Variants in POU6F2 observed in about 807,000 individuals in gnomAD.
The protein encoded by POU6F2 is POU class 6 homeobox 2.
In POU6F2, 31 loss-of-function variants were observed where a neutral mutation model predicts 71.3. The ratio of observed to expected loss-of-function variants is 0.43; its 90% CI spans 0.33 to 0.59. The LOEUF (loss-of-function observed/expected upper bound fraction) is 0.59, where lower values mean the gene tolerates loss of function less well. Ranked by LOEUF, POU6F2 falls within the 20% of genes least tolerant of loss-of-function variation. POU6F2 has a pLI of 0.04. For synonymous variants in POU6F2, 347 were observed against 355.7 expected (o/e 0.98, Z 0.27); for missense variants, 783 against 856.8 (o/e 0.91, Z 1.07).
At chr7:39,312,214 G>C (rs1785179272) in intron 4 of POU6F2, among the ~76,000 whole-genome samples, 1 of 151,948 alleles carries the variant, frequency 6.6e-6, no homozygotes, top group African/African-American at 2.4e-5. Context: ...TGGAAATGAA[G>C]AAAGGACTGA....
rs1017815715 is a variant in POU6F2 at position 39,407,020 on chromosome 7, A to G, written c.1113+280A>G. On this transcript the variant is annotated intron_variant, in intron 6 of 9. Transcript: ENST00000518318. Reference sequence around the variant, plus strand: ...TTATATGAAGAAGTTACTTTGCATTACAGGGGGCATTCTTTCAAAAAGAAA... The same window carrying G: ...TTATATGAAGAAGTTACTTTGCATTGCAGGGGGCATTCTTTCAAAAAGAAA... Among the ~76,000 whole-genome samples the G allele has an allele frequency of 2.6e-5, 4 of 152,252 alleles. No individual in the cohort carries two copies. In the East Asian group the frequency reaches 7.7e-4, roughly 29 times the overall value.
At chr7:39,069,645 CG>C (rs1790833886) in intron 1 of POU6F2, among the ~76,000 whole-genome samples, 1 of 151,698 alleles carries the variant, frequency 6.6e-6, no homozygotes, top group Non-Finnish European at 1.5e-5. Flanking sequence ...CATAAACATT[CG>C]ATTAACACTT....
rs558227026 is a variant in POU6F2, at chr7:39,017,960, T to A, written c.105+39902T>A. Among the ~76,000 whole-genome samples the A allele has an allele frequency of 9.9e-5, 15 of 152,280 alleles. No individual in the cohort carries two copies. In the South Asian group the frequency reaches 1.9e-3, roughly 19 times the overall value. On this transcript the variant is annotated intron_variant, in intron 1 of 9. Coordinates refer to ENST00000518318, the MANE Select transcript of POU6F2 (RefSeq NM_001370959.1). ...ATTTGTATTCTTTTCCTATTAGTTA[T>A]ACCTCATTTCTTTTTCCGGCCTTGC...
At chr7:39,357,516 A>G (rs1786286296) in intron 5 of POU6F2, among the ~76,000 whole-genome samples, 2 of 152,164 alleles carry the variant, frequency 1.3e-5, no homozygotes, top group South Asian at 2.1e-4. Context: ...TAACCGGGGT[A>G]GTCTCTGTGC....
intron 1 of POU6F2, among the ~76,000 whole-genome samples, chr7:38,989,356 TTTAA>T (rs1192274568): frequency 6.6e-6 from 1 of 152,044 alleles, no homozygotes; most frequent in Non-Finnish European, 1.5e-5. Flanking sequence ...ATAATAATTA[TTTAA>T]TTGTTTAATA....
Position 39,148,876 on chromosome 7 carries a change from G to A in POU6F2, c.278-55359G>A, listed in dbSNP as rs78832984. 2.9e-4 allele frequency among the ~76,000 whole-genome samples: 44 copies of A among 152,342 alleles called. No homozygotes were observed. The East Asian group carries it at 8.1e-3, about 28-fold the overall frequency. On this transcript the variant is annotated intron_variant, in intron 2 of 9. Coordinates refer to ENST00000518318, the MANE Select transcript of POU6F2 (RefSeq NM_001370959.1). The stretch of plus-strand genomic sequence containing the variant: ...AGGAGTTGTGTAGTGATCGCGAGAT[G>A]ATGTGGATCCTGTGGATACTGACAT...
intron 7 of POU6F2, among the ~76,000 whole-genome samples, chr7:39,444,453 G>T (rs1788477738): frequency 6.6e-6 from 1 of 152,218 alleles, no homozygotes. Flanking sequence ...GCATGGTGGT[G>T]CATGCCTGTA....
chr7:39,358,223 A>G (rs1583548691), intron 5 of POU6F2, among the ~76,000 whole-genome samples: 1 of 152,120 alleles, frequency 6.6e-6, no homozygotes. Context: ...GAAGATACCT[A>G]CAGAAATACA....
intron 1 of POU6F2, among the ~76,000 whole-genome samples, chr7:39,008,544 AT>A (rs1279329961): frequency 6.6e-6 from 1 of 150,888 alleles, no homozygotes; most frequent in Non-Finnish European, 1.5e-5. Flanking sequence ...CCATTTGTCA[AT>A]TTTGGCTTTT....
chr7:39,458,379 C>G (rs1436652192), intron 8 of POU6F2, among the ~76,000 whole-genome samples: 1 of 130,754 alleles, frequency 7.6e-6, no homozygotes, highest in Non-Finnish European at 1.6e-5. Context: ...TACATGTTAG[C>G]AAGTGCTTTT....
At chr7:38,986,742 G>A (rs909934920) in intron 1 of POU6F2, among the ~76,000 whole-genome samples, 2 of 152,084 alleles carry the variant, frequency 1.3e-5, no homozygotes, top group African/African-American at 4.8e-5. Flanking sequence ...GGAAAGTAAA[G>A]TATCCTGATT....
intron 5 of POU6F2, among the ~76,000 whole-genome samples, chr7:39,350,647 A>G (rs1786122579): frequency 6.6e-6 from 1 of 152,236 alleles, no homozygotes; most frequent in African/African-American, 2.4e-5. Context: ...GCATGCAATG[A>G]TCACATTAAA....
intron 5 of POU6F2, among the ~76,000 whole-genome samples, chr7:39,350,456 G>C (rs1360920772): frequency 6.6e-6 from 1 of 152,026 alleles, no homozygotes; most frequent in East Asian, 1.9e-4. Context: ...AAATAATCTT[G>C]AACTCCTGTC....
rs546560484 is a variant in POU6F2, at chr7:39,345,116, A to G, written c.972+5101A>G. 4.3e-4 allele frequency among the ~76,000 whole-genome samples: 66 copies of G among 152,364 alleles called. 1 individual carries two copies. The South Asian group carries it at 0.01, about 24-fold the overall frequency. ...GCAGGATCAGTAACAGTATTGAGCC[A>G]TATTGGAGTCTGAGGCAAAAGAAAA... On this transcript the variant is annotated intron_variant, in intron 5 of 9. Coordinates refer to ENST00000518318, the MANE Select transcript of POU6F2 (RefSeq NM_001370959.1).
chr7:39,265,782 A>G (rs979710742), intron 4 of POU6F2, among the ~76,000 whole-genome samples: 5 of 152,202 alleles, frequency 3.3e-5, no homozygotes, highest in African/African-American at 7.2e-5. Context: ...GTAATCCTAC[A>G]GTGCTGCTTA....
chr7:39,081,589 C>A (rs1470038656), intron 1 of POU6F2, among the ~76,000 whole-genome samples: 1 of 152,194 alleles, frequency 6.6e-6, no homozygotes, highest in African/African-American at 2.4e-5. Context: ...CCATGTTTAT[C>A]TAGAGGGTGA....
At chr7:39,373,531 TG>T (rs1375589906) in intron 5 of POU6F2, 1 of 456,594 alleles carries the variant, frequency 2.2e-6, no homozygotes, top group African/African-American at 2.0e-5. Context: ...TGGAAGAATT[TG>T]GTACTTCACT....
At chr7:39,418,427 C>A (rs372427973) in intron 6 of POU6F2, among the ~76,000 whole-genome samples, 4 of 152,160 alleles carry the variant, frequency 2.6e-5, no homozygotes, top group Non-Finnish European at 5.9e-5. Context: ...CGGTGGCTCA[C>A]GCCTGTAATC....
At chr7:39,229,369 C>T (rs1794530876) in intron 4 of POU6F2, among the ~76,000 whole-genome samples, 1 of 152,192 alleles carries the variant, frequency 6.6e-6, no homozygotes. Context: ...GCAATGCTCC[C>T]TCTCTCCCCT....
Sources: gnomAD v4.1 joint callset for allele counts (sites outside exome capture counted in the v4.1 genomes callset) on GRCh38, gnomAD v4.1.1 for gene constraint, MANE v1.5 for transcripts, NCBI Gene and HGNC (gene_info 2026-07-23, HGNC 2026-07-21) for gene names.